The following PCSK6 variants were observed in gnomAD, a reference collection of about 807,000 sequenced individuals.
PCSK6 encodes the protein proprotein convertase subtilisin/kexin type 6, also known as paired basic amino acid cleaving enzyme 4.
In PCSK6, 85 loss-of-function variants were observed where a neutral mutation model predicts 123.3. The ratio of observed to expected loss-of-function variants is 0.69; its 90% CI spans 0.58 to 0.83. PCSK6 has a LOEUF of 0.83. Among genes scored for constraint, PCSK6 ranks in the 40% least tolerant of loss-of-function variants. The pLI is 0.00. For synonymous variants in PCSK6, 508 were observed against 516.0 expected (o/e 0.98, Z 0.21); for missense variants, 1,191 against 1,282.3 (o/e 0.93, Z 1.09).
At chr15:101,470,814 T>C (rs1018758515) in intron 1 of PCSK6, among the ~76,000 whole-genome samples, 2 of 152,210 alleles carry the variant, frequency 1.3e-5, no homozygotes, top group African/African-American at 2.4e-5. Context: ...GATTCCGACA[T>C]AGGACGCCTG....
At chr15:101,397,033 C>T (rs567951482) in intron 7 of PCSK6, among the ~76,000 whole-genome samples, 1 of 152,200 alleles carries the variant, frequency 6.6e-6, no homozygotes, top group East Asian at 1.9e-4. Context: ...ACACCAAGTC[C>T]TTCGGAGGAG....
intron 6 of PCSK6, among the ~76,000 whole-genome samples, chr15:101,399,439 C>T (rs948673435): frequency 6.6e-6 from 1 of 152,156 alleles, no homozygotes; most frequent in Non-Finnish European, 1.5e-5. Flanking sequence ...TCTATGTTCC[C>T]TGGAGGGGTC....
At position 101,310,569 on chromosome 15, in the gene PCSK6, C is replaced by G. The variant is rs117717862; in HGVS notation, c.2699+2807G>C. Among the ~76,000 whole-genome samples the G allele has an allele frequency of 4.4e-3, 678 of 152,376 alleles. 2 individuals carry two copies. Among genetic ancestry groups the G allele is most frequent in the Non-Finnish European group, 7.5e-3 (513 of 68,034 alleles). Reference sequence around the variant, plus strand: ...ACTTCAGACAACTGTGCCCAGGGCCCCGTGCAGGACTCAGCAAGGCTGCAC... The same window carrying G: ...ACTTCAGACAACTGTGCCCAGGGCCGCGTGCAGGACTCAGCAAGGCTGCAC... On this transcript the variant is annotated intron_variant, in intron 20 of 21. Transcript: ENST00000611716.
chr15:101,400,628 G>C (rs867717939), intron 6 of PCSK6, among the ~76,000 whole-genome samples: 51 of 152,232 alleles, frequency 3.4e-4, no homozygotes, highest in Non-Finnish European at 1.2e-4. Flanking sequence ...AACATTTTAC[G>C]TGAGTAGAAT....
intron 13 of PCSK6, chr15:101,337,554 T>C (rs1239403758): frequency 6.6e-6 from 1 of 152,262 alleles, no homozygotes; most frequent in Non-Finnish European, 1.5e-5. Flanking sequence ...CCTCCTGGGC[T>C]CTTTCCTATG....
At chr15:101,416,729 G>T (rs2055900661) in intron 6 of PCSK6, among the ~76,000 whole-genome samples, 1 of 152,262 alleles carries the variant, frequency 6.6e-6, no homozygotes, top group South Asian at 2.1e-4. Flanking sequence ...GCTGAAAGGA[G>T]CCAACGTACA....
chr15:101,309,885 G>A (rs577923959), intron 20 of PCSK6, among the ~76,000 whole-genome samples: 48 of 151,972 alleles, frequency 3.2e-4, no homozygotes, highest in African/African-American at 9.9e-4. Flanking sequence ...GTCGGGCCTC[G>A]GCCCCTCTCT....
At chr15:101,365,600 T>C (rs1159495323) in intron 13 of PCSK6, among the ~76,000 whole-genome samples, 12 of 151,964 alleles carry the variant, frequency 7.9e-5, no homozygotes, top group Admixed American at 7.9e-4. Context: ...CATAAAAACT[T>C]GTACATGAAT....
intron 13 of PCSK6, chr15:101,347,333 T>A: frequency 8.1e-7 from 1 of 1,234,600 alleles, no homozygotes; most frequent in East Asian, 3.1e-5. Context: ...AGCAATAAAA[T>A]GAGAACAGTT....
chr15:101,442,498 A>T (rs1423047327), intron 2 of PCSK6, among the ~76,000 whole-genome samples: 1 of 152,162 alleles, frequency 6.6e-6, no homozygotes, highest in Non-Finnish European at 1.5e-5. Context: ...TCAGGTACAG[A>T]GCCCAGAGAT....
At chr15:101,414,565 A>C (rs760792752) in intron 6 of PCSK6, among the ~76,000 whole-genome samples, 10 of 152,184 alleles carry the variant, frequency 6.6e-5, no homozygotes, top group Non-Finnish European at 1.3e-4. Context: ...CTCAGGTGAA[A>C]GAGTTAAGTA....
chr15:101,448,340 A>G (rs2056946271), intron 1 of PCSK6, among the ~76,000 whole-genome samples: 2 of 152,244 alleles, frequency 1.3e-5, no homozygotes, highest in African/African-American at 2.4e-5. Flanking sequence ...CAGTGAAGAG[A>G]GTTTAATGTA....
chr15:101,379,532 C>T (rs1255887745), intron 11 of PCSK6, among the ~76,000 whole-genome samples: 1 of 152,224 alleles, frequency 6.6e-6, no homozygotes, highest in East Asian at 1.9e-4. Context: ...GAGGCATACA[C>T]ACACTCTGTC....
At chr15:101,394,929 A>G (rs145762364) in intron 7 of PCSK6, among the ~76,000 whole-genome samples, 1 of 152,368 alleles carries the variant, frequency 6.6e-6, no homozygotes, top group East Asian at 1.9e-4. Flanking sequence ...CAAGAGCTCA[A>G]CAGAAAGGTC....
chr15:101,380,310 C>A (rs2041879660), intron 11 of PCSK6, among the ~76,000 whole-genome samples: 1 of 152,238 alleles, frequency 6.6e-6, no homozygotes, highest in African/African-American at 2.4e-5. Flanking sequence ...GAGAAGAATG[C>A]TTCATTCAGG....
intron 6 of PCSK6, among the ~76,000 whole-genome samples, chr15:101,409,471 G>C (rs1024741836): frequency 6.6e-6 from 1 of 151,906 alleles, no homozygotes; most frequent in Non-Finnish European, 1.5e-5. Context: ...TGTAGTCCCA[G>C]CTACTCGGGA....
At chr15:101,382,247 C>T (rs900084195) in intron 10 of PCSK6, 38 bp from the exon 11 acceptor site, 2 of 1,481,034 alleles carry the variant, frequency 1.4e-6, no homozygotes, top group East Asian at 4.7e-5. Flanking sequence ...GCTCTCCTGC[C>T]TCTCCCAGGA....
chr15:101,387,824 A>G (rs2042111580), intron 9 of PCSK6, among the ~76,000 whole-genome samples: 1 of 40,872 alleles, frequency 2.4e-5, no homozygotes, highest in African/African-American at 5.8e-5. Flanking sequence ...CACAGGCGAG[A>G]GCTATCCCAG....
chr15:101,361,332 CCCCT>C (rs551273728), intron 13 of PCSK6, among the ~76,000 whole-genome samples: 57,963 of 151,070 alleles, frequency 0.38, 12,133 homozygotes, highest in African/African-American at 0.53. Context: ...TAATCCATCA[CCCCT>C]CCCACTAAAT....
Sources: allele counts gnomAD v4.1 joint callset (sites outside exome capture counted in the v4.1 genomes callset), GRCh38; gene constraint gnomAD v4.1.1; transcripts MANE v1.5; gene names NCBI Gene and HGNC (gene_info 2026-07-23, HGNC 2026-07-21).